Variants in KHDC1 observed in about 807,000 individuals in gnomAD.
KHDC1 encodes the protein KH homology domain-containing protein 1.
KHDC1 carries 21 observed loss-of-function variants against 24.7 expected under a neutral mutation model. The observed-to-expected ratio is 0.85, with a 90% CI of 0.60 to 1.23. The LOEUF is 1.23. KHDC1 is among the 50% of genes most tolerant of loss of function. The pLI, the probability that KHDC1 is intolerant of heterozygous loss-of-function variation, is 0.00. For missense variants in KHDC1, 274 were observed against 298.5 expected (o/e 0.92, Z 0.61); for synonymous variants, 98 against 111.7 (o/e 0.88, Z 0.77).
intron 2 of KHDC1, among the ~76,000 whole-genome samples, chr6:73,266,584 A>G (rs1426884883): frequency 1.3e-5 from 2 of 152,228 alleles, no homozygotes; most frequent in Non-Finnish European, 2.9e-5. Flanking sequence ...ATACAAAAGA[A>G]TGTTGTTGGC....
intron 1 of KHDC1, chr6:73,292,069 A>G: frequency 6.2e-7 from 1 of 1,613,706 alleles, no homozygotes; most frequent in South Asian, 1.1e-5. Context: ...AAGAAAAGGA[A>G]TTATTACAAG....
At chr6:73,308,063 C>T (rs1033267254) in intron 1 of KHDC1, among the ~76,000 whole-genome samples, 26 of 148,774 alleles carry the variant, frequency 1.7e-4, no homozygotes, top group African/African-American at 5.8e-4. Context: ...ACCACCAGGC[C>T]CAGCTAATTT....
At position 73,276,876 on chromosome 6, in the gene KHDC1, T is replaced by C. The variant is rs144381689; in HGVS notation, c.206+15122A>G. On this transcript the variant is annotated intron_variant, in intron 2 of 4. Coordinates refer to ENST00000370384, the Ensembl canonical transcript of KHDC1. ...ATTCAAAATGAGTTATAATAAAAAATAAATGTAAAATATACCTAGCAATTG... is the reference window on the plus strand; with the variant it reads ...ATTCAAAATGAGTTATAATAAAAAACAAATGTAAAATATACCTAGCAATTG... 2.6e-3 allele frequency among the ~76,000 whole-genome samples: 402 copies of C among 152,294 alleles called. 5 individuals carry two copies. Among genetic ancestry groups the C allele is most frequent in the African/African-American group, 9.5e-3 (394 of 41,568 alleles).
chr6:73,261,652 G>A (rs1037341088), intron 2 of KHDC1, among the ~76,000 whole-genome samples: 1 of 151,300 alleles, frequency 6.6e-6, no homozygotes, highest in Non-Finnish European at 1.5e-5. Context: ...GGTGGCTCAC[G>A]CCTGTAATCC....
In KHDC1 at chr6:73,298,771, T is replaced by C. The variant is rs115839816; in HGVS notation, c.164-6731A>G. ...GATGTTATTAGAGACAGGATTCCGC[T>C]CTGTCACCCAGTCTGGAATGCAGTG... On this transcript the variant is annotated intron_variant, in intron 1 of 4. Coordinates refer to ENST00000370384, the Ensembl canonical transcript of KHDC1. 8.1e-3 allele frequency among the ~76,000 whole-genome samples: 1,233 copies of C among 151,996 alleles called. 18 individuals carry two copies. The highest frequency in any genetic ancestry group is 0.028 in the African/African-American group (1,160 of 41,450).
At chr6:73,272,915 A>G (rs1262219935) in intron 2 of KHDC1, among the ~76,000 whole-genome samples, 1 of 143,784 alleles carries the variant, frequency 7.0e-6, no homozygotes, top group Non-Finnish European at 1.5e-5. Context: ...CTGGAGTGCA[A>G]TGGGGTGATC....
intron 2 of KHDC1, among the ~76,000 whole-genome samples, chr6:73,289,564 T>A (rs1172123500): frequency 6.6e-6 from 1 of 150,640 alleles, no homozygotes; most frequent in South Asian, 2.1e-4. Flanking sequence ...CACATGAGAA[T>A]CACTTGAACA....
intron 2 of KHDC1, among the ~76,000 whole-genome samples, chr6:73,286,065 C>G (rs1767513284): frequency 6.6e-6 from 1 of 152,190 alleles, no homozygotes. Flanking sequence ...TTCAGCAAAA[C>G]TGTCAACTCC....
chr6:73,273,658 T>C (rs1054820841), intron 2 of KHDC1, among the ~76,000 whole-genome samples: 3 of 150,176 alleles, frequency 2.0e-5, no homozygotes, highest in South Asian at 4.2e-4. Context: ...CTACTAAAAA[T>C]ACAAAAAATT....
At chr6:73,272,046 T>C (rs1406285502) in intron 2 of KHDC1, among the ~76,000 whole-genome samples, 1 of 151,344 alleles carries the variant, frequency 6.6e-6, no homozygotes, top group Admixed American at 6.6e-5. Flanking sequence ...ATGAGTAGTG[T>C]TGACTGTCAA....
Position 73,242,655 on chromosome 6 carries a change from G to A in KHDC1, c.207-125C>T, listed in dbSNP as rs918973478. 7 of 1,115,268 alleles carry A rather than the reference G, an allele frequency of 6.3e-6. No individual in the cohort carries two copies. The African/African-American group carries it at 6.3e-5, about 10-fold the overall frequency. The allele number at this position is 1,115,268 out of a possible 1,614,324, so 69.1% of individuals were successfully genotyped here. A position where few individuals can be genotyped will look rare whatever the true frequency, so the allele number is the denominator to read the frequency against. ...CCTGCCCCTTGAACTACCTTAGGGT[G>A]GGTGTACAATCCCGGTATCTCTTCC... On this transcript the variant is annotated intron_variant, in intron 2 of 4. Coordinates refer to ENST00000370384, the Ensembl canonical transcript of KHDC1.
exon 1 of KHDC1, chr6:73,310,024 A>G: frequency 6.2e-6 from 2 of 320,362 alleles, no homozygotes; most frequent in Non-Finnish European, 5.8e-6. Flanking sequence ...CACGTAAACC[A>G]TCTTTGGGCC....
intron 2 of KHDC1, among the ~76,000 whole-genome samples, chr6:73,287,507 C>T (rs1767545621): frequency 6.6e-6 from 1 of 152,118 alleles, no homozygotes; most frequent in Non-Finnish European, 1.5e-5. Context: ...GCTCCCTTGC[C>T]CAGTTTCCAG....
intron 2 of KHDC1, among the ~76,000 whole-genome samples, chr6:73,285,753 C>G (rs1767508928): frequency 1.3e-5 from 2 of 151,526 alleles, no homozygotes; most frequent in Admixed American, 6.6e-5. Context: ...GCTGCACCCA[C>G]TAATGTGTCA....
chr6:73,294,270 AAAG>A (rs1767719726), intron 1 of KHDC1, among the ~76,000 whole-genome samples: 1 of 152,202 alleles, frequency 6.6e-6, no homozygotes, highest in African/African-American at 2.4e-5. Context: ...TAAACAGCAT[AAAG>A]AAGTGCCATA....
rs145264728 is a variant in KHDC1 at position 73,267,941 on chromosome 6, A to G, written c.206+24057T>C. 1,520 of 152,244 alleles carry G rather than the reference A, an allele frequency of 1.0e-2. 9 individuals are homozygous for G. The highest frequency in any genetic ancestry group is 0.017 in the Middle Eastern group (5 of 296). 9.4% of individuals were successfully genotyped at this position (152,244 alleles called of 1,614,324 possible). ...AACATCCGCCTCCTGGGTTCAAGCA[A>G]TTCTCCTGCCTCAACCCCCCGAGTA... On this transcript the variant is annotated intron_variant, in intron 2 of 4. Transcript: ENST00000370384.
intron 2 of KHDC1, among the ~76,000 whole-genome samples, chr6:73,282,527 C>T (rs1767433699): frequency 6.6e-6 from 1 of 152,120 alleles, no homozygotes. Context: ...AACCTCCTTG[C>T]CTGGGGACTA....
intron 2 of KHDC1, among the ~76,000 whole-genome samples, chr6:73,286,132 C>T (rs987193429): frequency 3.9e-5 from 6 of 152,180 alleles, no homozygotes; most frequent in Admixed American, 1.3e-4. Context: ...CACCCATTCC[C>T]AGCCTTATCC....
intron 2 of KHDC1, among the ~76,000 whole-genome samples, chr6:73,261,300 G>C (rs1766975068): frequency 1.3e-5 from 2 of 151,860 alleles, no homozygotes. Context: ...AAAATTAGCT[G>C]GGCATGGTGG....
Sources: allele counts gnomAD v4.1 joint callset (sites outside exome capture counted in the v4.1 genomes callset), GRCh38; gene constraint gnomAD v4.1.1; transcripts MANE v1.5; gene names NCBI Gene and HGNC (gene_info 2026-07-23, HGNC 2026-07-21).